Variants in TUSC3 observed in about 807,000 individuals in gnomAD.
The protein encoded by TUSC3 is tumor suppressor candidate 3.
A neutral mutation model predicts 44.8 loss-of-function variants in TUSC3; 45 were observed. The observed-to-expected ratio is 1.00, with a 90% CI of 0.79 to 1.29. The LOEUF (loss-of-function observed/expected upper bound fraction) is 1.29. Among genes scored for constraint, TUSC3 ranks in the 50% most tolerant of loss-of-function variants. The pLI is 0.00. For synonymous variants in TUSC3, 212 were observed against 152.9 expected (o/e 1.39, Z -2.85); for missense variants, 519 against 437.9 (o/e 1.19, Z -1.65).
intron 2 of TUSC3, among the ~76,000 whole-genome samples, chr8:15,510,959 T>TA (rs1801126839): frequency 6.6e-6 from 1 of 152,116 alleles, no homozygotes; most frequent in Admixed American, 6.5e-5. Flanking sequence ...ATTAGCAAAC[T>TA]AAAAAGGAAA....
chr8:15,550,925 G>C (rs1802041007), intron 1 of TUSC3, among the ~76,000 whole-genome samples: 1 of 151,634 alleles, frequency 6.6e-6, no homozygotes, highest in African/African-American at 2.4e-5. Flanking sequence ...GCCCGCCTCG[G>C]CCTCCCAAGT....
At chr8:15,551,246 G>T (rs1377388032) in intron 1 of TUSC3, among the ~76,000 whole-genome samples, 1 of 151,558 alleles carries the variant, frequency 6.6e-6, no homozygotes, top group Non-Finnish European at 1.5e-5. Flanking sequence ...TTCTAAAAAT[G>T]CCTAGAAACT....
At chr8:15,838,194 A>C in the TUSC3 span, among the ~76,000 whole-genome samples, 3 of 152,158 alleles carry the variant, frequency 2.0e-5, no homozygotes, top group African/African-American at 4.8e-5. Flanking sequence ...TGTTATTGTA[A>C]GCAAGAAATT....
intron 1 of TUSC3, among the ~76,000 whole-genome samples, chr8:15,622,732 G>GTA (rs757226345): frequency 1.3e-5 from 2 of 152,046 alleles, no homozygotes; most frequent in African/African-American, 2.4e-5. Context: ...CTAGACTAGA[G>GTA]TAGAGCAGTT....
At chr8:15,727,358 A>G (rs1041081447) in intron 6 of TUSC3, among the ~76,000 whole-genome samples, 1 of 152,172 alleles carries the variant, frequency 6.6e-6, no homozygotes, top group African/African-American at 2.4e-5. Context: ...TTTGTTGCAC[A>G]TTAGTAGACA....
the TUSC3 span, among the ~76,000 whole-genome samples, chr8:15,829,816 G>C: frequency 1.3e-5 from 2 of 152,060 alleles, no homozygotes; most frequent in African/African-American, 4.8e-5. Flanking sequence ...TAGATACCCA[G>C]TAGTGGGGAG....
chr8:15,749,130 CATT>C (rs200525932), intron 9 of TUSC3, among the ~76,000 whole-genome samples: 36,076 of 125,482 alleles, frequency 0.29, 4,742 homozygotes, highest in African/African-American at 0.43. Context: ...AATAACTTAA[CATT>C]TTTTTCTTTC....
At chr8:15,495,819 C>G (rs1384137146) in intron 2 of TUSC3, among the ~76,000 whole-genome samples, 1 of 152,112 alleles carries the variant, frequency 6.6e-6, no homozygotes, top group Non-Finnish European at 1.5e-5. Context: ...TGCACTCAGA[C>G]TTATAACCAT....
chr8:15,544,234 T>G (rs1801787015), intron 1 of TUSC3, among the ~76,000 whole-genome samples: 1 of 152,068 alleles, frequency 6.6e-6, no homozygotes, highest in Non-Finnish European at 1.5e-5. Flanking sequence ...TCTTTTATTT[T>G]GACAGTTTCT....
intron 6 of TUSC3, among the ~76,000 whole-genome samples, chr8:15,721,788 T>C (rs533525213): frequency 6.6e-6 from 1 of 152,172 alleles, no homozygotes; most frequent in South Asian, 2.1e-4. Flanking sequence ...GGACAGACTT[T>C]TTAAAGTTTA....
chr8:15,533,685 G>C (rs1039124230), intron 2 of TUSC3, among the ~76,000 whole-genome samples: 15 of 152,190 alleles, frequency 9.9e-5, no homozygotes, highest in African/African-American at 3.6e-4. Context: ...CCTGAGAGGG[G>C]CTTCTGGCCA....
At chr8:15,464,899 G>C (rs1800394157) in intron 1 of TUSC3, among the ~76,000 whole-genome samples, 1 of 152,132 alleles carries the variant, frequency 6.6e-6, no homozygotes, top group African/African-American at 2.4e-5. Flanking sequence ...TCCCAGGCTG[G>C]AGTGCAATGG....
intron 2 of TUSC3, among the ~76,000 whole-genome samples, chr8:15,624,241 G>A (rs533659882): frequency 6.6e-5 from 10 of 152,218 alleles, no homozygotes; most frequent in African/African-American, 1.2e-4. Context: ...AATCGGGGTC[G>A]TTTCTAGGTT....
intron 2 of TUSC3, among the ~76,000 whole-genome samples, chr8:15,511,972 C>A (rs1461945035): frequency 6.6e-6 from 1 of 152,130 alleles, no homozygotes; most frequent in African/African-American, 2.4e-5. Flanking sequence ...ATACAATCCC[C>A]ATCCAAGTTC....
At chr8:15,619,295 G>T (rs1563137187) in intron 1 of TUSC3, among the ~76,000 whole-genome samples, 1 of 152,038 alleles carries the variant, frequency 6.6e-6, no homozygotes, top group Non-Finnish European at 1.5e-5. Context: ...TCATATAATA[G>T]ATTGAGACTT....
chr8:15,441,118 A>G (rs1585790393), intron 1 of TUSC3, among the ~76,000 whole-genome samples: 1 of 152,268 alleles, frequency 6.6e-6, no homozygotes, highest in African/African-American at 2.4e-5. Context: ...AAAATCAAGT[A>G]AGTGATGGCC....
intron 10 of TUSC3, chr8:15,758,336 G>T: frequency 1.4e-6 from 1 of 713,838 alleles, no homozygotes; most frequent in South Asian, 6.3e-5. Context: ...GAAACAGATA[G>T]TAGGTACTTT....
At chr8:15,650,422 A>G (rs1806837538) in intron 2 of TUSC3, among the ~76,000 whole-genome samples, 1 of 152,186 alleles carries the variant, frequency 6.6e-6, no homozygotes, top group Non-Finnish European at 1.5e-5. Context: ...TCTTGTTGTT[A>G]CAACTTTGCC....
At chr8:15,638,601 G>A (rs1585180439) in intron 2 of TUSC3, among the ~76,000 whole-genome samples, 1 of 130,920 alleles carries the variant, frequency 7.6e-6, no homozygotes, top group East Asian at 2.3e-4. Flanking sequence ...TCTGCTCACT[G>A]CAACCTCTCC....
Sources: allele counts gnomAD v4.1 joint callset (sites outside exome capture counted in the v4.1 genomes callset), GRCh38; gene constraint gnomAD v4.1.1; transcripts MANE v1.5; gene names NCBI Gene and HGNC (gene_info 2026-07-23, HGNC 2026-07-21).